BCL2L13: variants seen among roughly 807,000 people sequenced by gnomAD.
BCL2L13 encodes the protein bcl-2-like protein 13.
A neutral mutation model predicts 25.8 loss-of-function variants in BCL2L13; 13 were observed. That is an observed-to-expected ratio of 0.50 (90% confidence interval 0.33 to 0.80). The LOEUF (loss-of-function observed/expected upper bound fraction) is 0.80, where lower values mean the gene tolerates loss of function less well. BCL2L13 is among the 30% of genes least tolerant of loss of function. BCL2L13 has a pLI of 0.02. For synonymous variants in BCL2L13, 244 were observed against 230.3 expected (o/e 1.06, Z -0.54); for missense variants, 504 against 574.9 (o/e 0.88, Z 1.26).
At chr22:17,720,972 C>T (rs1372796000) in intron 6 of BCL2L13, among the ~76,000 whole-genome samples, 1 of 151,914 alleles carries the variant, frequency 6.6e-6, no homozygotes, top group African/African-American at 2.4e-5. Flanking sequence ...CGAGACCATC[C>T]TGGCTAACAT....
At chr22:17,702,635 A>T in intron 6 of BCL2L13, 1 of 296,242 alleles carries the variant, frequency 3.4e-6, no homozygotes, top group Admixed American at 5.1e-5. Context: ...GTACTTTTTG[A>T]TATGTAATTA....
intron 6 of BCL2L13, among the ~76,000 whole-genome samples, chr22:17,723,637 T>C (rs1485734318): frequency 2.0e-5 from 3 of 152,116 alleles, no homozygotes; most frequent in Non-Finnish European, 4.4e-5. Context: ...CTAAGCACTA[T>C]AAATACTATA....
chr22:17,631,674 A>ATG (rs1568903605), intron 1 of BCL2L13, among the ~76,000 whole-genome samples: 11 of 14,422 alleles, frequency 7.6e-4, no homozygotes, highest in African/African-American at 3.0e-3. Flanking sequence ...GTGTGTGTAT[A>ATG]TATATATATA....
chr22:17,702,363 T>C lies in BCL2L13; in HGVS notation c.577T>C (p.Tyr193His). ...VTYLEDYSAEYIIQQGGWGTV... is the reference protein window; with the variant it reads ...VTYLEDYSAEHIIQQGGWGTV... Reference sequence around the variant, plus strand: ...ATACCTGGAGGACTATTCGGCAGAGTACATCATTCAGCAAGGTGGCTGGGT... The same window carrying C: ...ATACCTGGAGGACTATTCGGCAGAGCACATCATTCAGCAAGGTGGCTGGGT... Residue 193 changes from tyrosine to histidine, a missense_variant, in exon 6 of 7, where the codon TAC (tyrosine) becomes CAC (histidine). Physicochemically the swap from Tyr to His is moderately conservative, Grantham distance 83. Coordinates refer to ENST00000317582, the MANE Select transcript of BCL2L13 (RefSeq NM_015367.4). 1 of 1,602,500 alleles carries C rather than the reference T, an allele frequency of 6.2e-7. No homozygotes were observed. The highest frequency in any genetic ancestry group is 8.5e-7 in the Non-Finnish European group (1 of 1,174,932).
upstream of BCL2L13, among the ~76,000 whole-genome samples, chr22:17,636,388 GGA>G (rs932046436): frequency 1.3e-5 from 2 of 151,956 alleles, no homozygotes; most frequent in Non-Finnish European, 2.9e-5. Flanking sequence ...TTGATACTTG[GGA>G]GGCTGAGGTG....
In BCL2L13 at chr22:17,730,471, T is replaced by A. The variant is rs901496485; in HGVS notation, c.*2937T>A. The A allele has an allele frequency of 2.0e-5, 3 of 152,210 alleles. No homozygotes were observed. Among genetic ancestry groups the A allele is most frequent in the African/African-American group, 7.2e-5 (3 of 41,450 alleles). The allele number at this position is 152,210 out of a possible 1,614,324, so 9.4% of individuals were successfully genotyped here. On this transcript the variant is annotated 3_prime_UTR_variant, in exon 7 of 7. Coordinates refer to ENST00000317582, the MANE Select transcript of BCL2L13 (RefSeq NM_015367.4). ...CTTTGACCCACAGCTACTGTTCATTTCCTCAGGCTTTGCGCTGATTCCCTC... is the reference window on the plus strand; with the variant it reads ...CTTTGACCCACAGCTACTGTTCATTACCTCAGGCTTTGCGCTGATTCCCTC...
intron 4 of BCL2L13, among the ~76,000 whole-genome samples, chr22:17,691,763 A>AT (rs2060114145): frequency 6.6e-6 from 1 of 152,188 alleles, no homozygotes; most frequent in Non-Finnish European, 1.5e-5. Context: ...ATGGTGTAGT[A>AT]TAAGCTCTTC....
In BCL2L13 at chr22:17,727,694, A is replaced by T; in HGVS notation, c.*160A>T. On this transcript the variant is annotated 3_prime_UTR_variant, in exon 7 of 7. Transcript: ENST00000317582. ...GGCATGTTAGGCATGTTAGGGCTTG[A>T]GGTGGGGCATTCACATTCATCTGAC... is the stretch of plus-strand genomic sequence containing the variant. 2 of 932,308 alleles carry T rather than the reference A, an allele frequency of 2.1e-6. No individual in the cohort carries two copies. Among genetic ancestry groups the T allele is most frequent in the Non-Finnish European group, 3.2e-6 (2 of 634,740 alleles). 57.8% of individuals were successfully genotyped at this position (932,308 alleles called of 1,614,324 possible). A position where few individuals can be genotyped will look rare whatever the true frequency, so the allele number is the denominator to read the frequency against.
chr22:17,660,540 C>A lies in BCL2L13; in HGVS notation c.121+4708C>A, dbSNP rs762591698. Among the ~76,000 whole-genome samples, 90 of 145,388 alleles carry A rather than the reference C, an allele frequency of 6.2e-4. 13 individuals are homozygous for A. Among genetic ancestry groups the A allele is most frequent in the Non-Finnish European group, 1.3e-3 (85 of 63,926 alleles). On this transcript the variant is annotated intron_variant, in intron 2 of 6. Coordinates refer to ENST00000317582, the MANE Select transcript of BCL2L13 (RefSeq NM_015367.4). The stretch of plus-strand genomic sequence containing the variant: ...GCTCAGTCGATTCTCCTGCCTCAGC[C>A]TCCGAGGAGCTGGAAGTACTCGAAC...
intron 6 of BCL2L13, among the ~76,000 whole-genome samples, chr22:17,712,635 A>C (rs2060794970): frequency 6.6e-6 from 1 of 152,194 alleles, no homozygotes; most frequent in East Asian, 1.9e-4. Context: ...TTAGTAACAG[A>C]TGTTAGAGGA....
intron 4 of BCL2L13, among the ~76,000 whole-genome samples, chr22:17,693,172 A>G (rs1367903673): frequency 6.6e-6 from 1 of 151,724 alleles, no homozygotes; most frequent in African/African-American, 2.4e-5. Flanking sequence ...GTTTCCAAAT[A>G]TGTGATATAA....
chr22:17,727,115 C>T lies in BCL2L13; in HGVS notation c.1039C>T (p.Pro347Ser), dbSNP rs1184308034. 1.2e-6 allele frequency: 2 copies of T among 1,614,220 alleles called. No homozygotes were observed. The highest frequency in any genetic ancestry group is 1.7e-6 in the Non-Finnish European group (2 of 1,180,044). ...TCCTGAAGCCCCAGCTCCCTTGCTT[C>T]CACATATCACTGCCACCTCCCTGCT... ...ALPEAPAPLL[P>S]HITATSLLGT... Residue 347 changes from proline (P) to serine (S), a missense_variant, in exon 7 of 7, where the codon CCA becomes TCA. Pro to Ser is a moderately conservative substitution (Grantham distance 74). Transcript: ENST00000317582.
rs143057486 is a variant in BCL2L13, at chr22:17,684,858, G to A, written c.229+1537G>A. ...GGCCATTCTCCTGCCTCAGCCTCCC[G>A]AGTAGCTGGGACTACAGGCGCCTGC... On this transcript the variant is annotated intron_variant, in intron 3 of 6. Coordinates refer to ENST00000317582, the MANE Select transcript of BCL2L13 (RefSeq NM_015367.4). Among the ~76,000 whole-genome samples, 1,493 of 151,834 alleles carry A rather than the reference G, an allele frequency of 9.8e-3. 12 individuals carry two copies. Among genetic ancestry groups the A allele is most frequent in the Middle Eastern group, 0.024 (7 of 294 alleles).
chr22:17,721,040 G>A lies in BCL2L13; in HGVS notation c.601-5637G>A, dbSNP rs187947579. On this transcript the variant is annotated intron_variant, in intron 6 of 6. Transcript: ENST00000317582. ...AAATTAGCCAGGCATGGTGGCGGGCGCCTGTAGTCCCAGCTACTCGGGGGG... is the reference window on the plus strand; with the variant it reads ...AAATTAGCCAGGCATGGTGGCGGGCACCTGTAGTCCCAGCTACTCGGGGGG... 5.5e-3 allele frequency among the ~76,000 whole-genome samples: 842 copies of A among 151,910 alleles called. 1 individual carries two copies. The highest frequency in any genetic ancestry group is 0.041 in the Middle Eastern group (12 of 294).
intron 6 of BCL2L13, among the ~76,000 whole-genome samples, chr22:17,724,984 C>A (rs1210788439): frequency 6.6e-6 from 1 of 152,152 alleles, no homozygotes; most frequent in East Asian, 1.9e-4. Flanking sequence ...TAAGAATAGA[C>A]CCATTCTTTC....
At chr22:17,681,159 G>A (rs535278880) in intron 2 of BCL2L13, among the ~76,000 whole-genome samples, 8 of 152,186 alleles carry the variant, frequency 5.3e-5, no homozygotes, top group African/African-American at 1.7e-4. Context: ...AAATGAAAGA[G>A]GACTATATTA....
intron 1 of BCL2L13, among the ~76,000 whole-genome samples, chr22:17,650,460 TC>T (rs2058646182): frequency 6.6e-6 from 1 of 152,140 alleles, no homozygotes; most frequent in Admixed American, 6.6e-5. Flanking sequence ...AATAAAAATT[TC>T]TGTGGCTCCT....
At chr22:17,725,974 T>G (rs1424564711) in intron 6 of BCL2L13, among the ~76,000 whole-genome samples, 1 of 151,986 alleles carries the variant, frequency 6.6e-6, no homozygotes, top group African/African-American at 2.4e-5. Context: ...AGCAGATTTT[T>G]GACTGTGTTT....
chr22:17,686,755 C>T (rs952318897), intron 3 of BCL2L13, among the ~76,000 whole-genome samples: 4 of 152,028 alleles, frequency 2.6e-5, no homozygotes, highest in African/African-American at 9.7e-5. Context: ...GTGATCTACC[C>T]GCCTCGGCCT....
Sources: allele counts gnomAD v4.1 joint callset (sites outside exome capture counted in the v4.1 genomes callset), GRCh38; gene constraint gnomAD v4.1.1; transcripts MANE v1.5; gene names NCBI Gene and HGNC (gene_info 2026-07-23, HGNC 2026-07-21).